The following FUT8 variants were observed in gnomAD, a reference collection of about 807,000 sequenced individuals.
FUT8 encodes alpha-(1,6)-fucosyltransferase.
FUT8 carries 29 observed loss-of-function variants against 71.3 expected under a neutral mutation model. The observed-to-expected ratio is 0.41, with a 90% confidence interval of 0.30 to 0.55. The LOEUF (loss-of-function observed/expected upper bound fraction) is 0.55. Ranked by LOEUF, FUT8 falls within the 20% of genes least tolerant of loss-of-function variation. FUT8 has a pLI of 0.34. For synonymous variants in FUT8, 254 were observed against 239.3 expected (o/e 1.06, Z -0.57); for missense variants, 544 against 702.1 (o/e 0.77, Z 2.55).
intron 7 of FUT8, among the ~76,000 whole-genome samples, chr14:65,671,216 A>T (rs1333221481): frequency 6.6e-6 from 1 of 152,162 alleles, no homozygotes; most frequent in East Asian, 1.9e-4. Context: ...TAGTCAGAAA[A>T]GTGAAAAGTT....
At chr14:65,729,216 G>A (rs960564257) in intron 9 of FUT8, among the ~76,000 whole-genome samples, 1 of 151,654 alleles carries the variant, frequency 6.6e-6, no homozygotes, top group East Asian at 2.0e-4. Flanking sequence ...AGACGGGATT[G>A]CATGTTGCTC....
chr14:65,711,978 T>C (rs1487102246), intron 7 of FUT8, among the ~76,000 whole-genome samples: 1 of 152,228 alleles, frequency 6.6e-6, no homozygotes, highest in Admixed American at 6.5e-5. Context: ...TGTGTTTTGT[T>C]CTGGTGAATA....
intron 7 of FUT8, among the ~76,000 whole-genome samples, chr14:65,699,960 T>G (rs1314275164): frequency 6.6e-6 from 1 of 152,206 alleles, no homozygotes; most frequent in Non-Finnish European, 1.5e-5. Flanking sequence ...TAATATTCTG[T>G]TTTTCCTCTT....
At position 65,445,786 on chromosome 14, in the gene FUT8, C is replaced by G. The variant is rs77447500; in HGVS notation, c.-325-9835C>G. Among the ~76,000 whole-genome samples, 493 of 152,148 alleles carry G rather than the reference C, an allele frequency of 3.2e-3. 3 individuals carry two copies. In the East Asian group the frequency reaches 0.036, roughly 11 times the overall value. ...TGAAAAGTGACTGATGCACAGAAAA[C>G]CTTTATTTTTTATTTTTTAAAAAGT... On this transcript the variant is annotated intron_variant, in intron 1 of 10. Transcript: ENST00000673929.
intron 3 of FUT8, among the ~76,000 whole-genome samples, chr14:65,583,932 T>C (rs1252620813): frequency 6.6e-6 from 1 of 152,222 alleles, no homozygotes; most frequent in East Asian, 1.9e-4. Context: ...CAGGCTGAAG[T>C]GCATGGGTAT....
At chr14:65,724,083 A>G in intron 8 of FUT8, 64 bp from the exon 9 acceptor site, 4 of 1,278,126 alleles carry the variant, frequency 3.1e-6, no homozygotes, top group Non-Finnish European at 4.2e-6. Flanking sequence ...AGGGGTATAA[A>G]TTGAGTACCC....
At chr14:65,385,702 G>A in the FUT8 span, among the ~76,000 whole-genome samples, 1 of 152,032 alleles carries the variant, frequency 6.6e-6, no homozygotes, top group African/African-American at 2.4e-5. Flanking sequence ...GGCAACTATT[G>A]TATTTTTCTT....
rs2065465286 is a variant in FUT8, at chr14:65,431,053, TGGCGCGATCTC to T, written c.-326+17843_-326+17853del. ...TCTTGCTGCCCAGGCTGGAGTGCAG[TGGCGCGATCTC>T]GGCTCACTGCAACCTCCTGCTCCCG... On this transcript the variant is annotated intron_variant, in intron 1 of 10. Coordinates refer to ENST00000673929, the MANE Select transcript of FUT8 (RefSeq NM_001371533.1). Among the ~76,000 whole-genome samples the T allele has an allele frequency of 1.4e-4, 21 of 148,646 alleles. No homozygotes were observed. In the Admixed American group the frequency reaches 1.4e-3, roughly 10 times the overall value.
chr14:65,364,373 T>G, the FUT8 span, among the ~76,000 whole-genome samples: 2 of 152,036 alleles, frequency 1.3e-5, no homozygotes, highest in African/African-American at 4.8e-5. Flanking sequence ...CCAGCTAATT[T>G]TGTATTTTTA....
intron 2 of FUT8, among the ~76,000 whole-genome samples, chr14:65,503,552 G>C (rs1594708557): frequency 6.6e-6 from 1 of 152,224 alleles, no homozygotes; most frequent in East Asian, 1.9e-4. Flanking sequence ...TTTACATCTA[G>C]ATTTTACTTT....
chr14:65,371,142 G>A, the FUT8 span, among the ~76,000 whole-genome samples: 5 of 152,164 alleles, frequency 3.3e-5, no homozygotes, highest in African/African-American at 1.2e-4. Context: ...CCATTTCTCA[G>A]TTGTCTTCAG....
intron 6 of FUT8, among the ~76,000 whole-genome samples, chr14:65,656,628 A>T (rs955221304): frequency 2.6e-5 from 4 of 152,196 alleles, no homozygotes; most frequent in Non-Finnish European, 5.9e-5. Flanking sequence ...AAATAGAAAA[A>T]AGAATCTAAA....
chr14:65,650,471 G>A (rs1041718126), intron 6 of FUT8, among the ~76,000 whole-genome samples: 1 of 151,806 alleles, frequency 6.6e-6, no homozygotes, highest in African/African-American at 2.4e-5. Flanking sequence ...TTACATGGTG[G>A]AGCAGGAGCA....
At chr14:65,725,911 A>G (rs1275049803) in intron 9 of FUT8, among the ~76,000 whole-genome samples, 1 of 152,204 alleles carries the variant, frequency 6.6e-6, no homozygotes, top group Non-Finnish European at 1.5e-5. Flanking sequence ...TCCTCTTTCT[A>G]CCTCTGAAGA....
chr14:65,571,376 A>G (rs559574861), intron 3 of FUT8, among the ~76,000 whole-genome samples: 1 of 152,288 alleles, frequency 6.6e-6, no homozygotes, highest in East Asian at 1.9e-4. Context: ...AGTGATTGCC[A>G]GAAAATGTGT....
At chr14:65,696,137 G>C (rs543116767) in intron 7 of FUT8, among the ~76,000 whole-genome samples, 13 of 152,200 alleles carry the variant, frequency 8.5e-5, no homozygotes, top group African/African-American at 3.1e-4. Context: ...TGAATACACT[G>C]TAGGTAAATT....
At chr14:65,544,463 A>G (rs551128637) in intron 2 of FUT8, among the ~76,000 whole-genome samples, 20 of 152,214 alleles carry the variant, frequency 1.3e-4, no homozygotes, top group African/African-American at 4.8e-4. Context: ...ACACACACAC[A>G]ATTGGAGAAA....
intron 2 of FUT8, among the ~76,000 whole-genome samples, chr14:65,459,375 TAAAA>T (rs879513404): frequency 6.6e-6 from 1 of 152,172 alleles, no homozygotes; most frequent in Non-Finnish European, 1.5e-5. Context: ...TGTTACAAAA[TAAAA>T]AAATTTAGAT....
the FUT8 span, among the ~76,000 whole-genome samples, chr14:65,393,734 A>G: frequency 3.3e-5 from 5 of 152,168 alleles, no homozygotes; most frequent in Non-Finnish European, 7.3e-5. Context: ...GGGACTAGTC[A>G]GGGCTACTTC....
Sources: allele counts gnomAD v4.1 joint callset (sites outside exome capture counted in the v4.1 genomes callset), GRCh38; gene constraint gnomAD v4.1.1; transcripts MANE v1.5; gene names NCBI Gene and HGNC (gene_info 2026-07-23, HGNC 2026-07-21).